The following PCDH15 variants were observed in gnomAD, a reference collection of about 807,000 sequenced individuals.
The protein encoded by PCDH15 is protocadherin related 15.
PCDH15 carries 129 observed loss-of-function variants against 178.5 expected under a neutral mutation model. That is an observed-to-expected ratio of 0.72 (90% CI 0.63 to 0.84). The LOEUF is 0.84. Ranked by LOEUF, PCDH15 falls within the 40% of genes least tolerant of loss-of-function variation. The probability of loss-of-function intolerance (pLI) is 0.00; values close to 1 mark genes in which losing one functional copy is unlikely to be tolerated. For synonymous variants in PCDH15, 800 were observed against 732.0 expected (o/e 1.09, Z -1.50); for missense variants, 2,230 against 2,099.9 (o/e 1.06, Z -1.21).
chr10:54,439,679 A>G (rs990559836), intron 3 of PCDH15, among the ~76,000 whole-genome samples: 1 of 152,026 alleles, frequency 6.6e-6, no homozygotes, highest in Non-Finnish European at 1.5e-5. Flanking sequence ...TTTAAATGCC[A>G]TGTTTTTTAG....
At chr10:54,052,245 T>C (rs1263920674) in intron 18 of PCDH15, among the ~76,000 whole-genome samples, 1 of 152,098 alleles carries the variant, frequency 6.6e-6, no homozygotes, top group Non-Finnish European at 1.5e-5. Flanking sequence ...GAATGGTGGA[T>C]CCACCAACAC....
chr10:54,009,735 T>C (rs935822787), intron 20 of PCDH15, among the ~76,000 whole-genome samples: 1 of 152,082 alleles, frequency 6.6e-6, no homozygotes, highest in Non-Finnish European at 1.5e-5. Context: ...GGAGAAACAG[T>C]GAGTAAGTGA....
chr10:54,731,563 TACACACACACAC>T (rs1159070523), intron 1 of PCDH15, among the ~76,000 whole-genome samples: 27 of 49,886 alleles, frequency 5.4e-4, no homozygotes, highest in Non-Finnish European at 1.2e-3. Flanking sequence ...TATATATATA[TACACACACACAC>T]ACACACACAC....
chr10:54,287,668 CAAGAT>C (rs2059118366), intron 8 of PCDH15, among the ~76,000 whole-genome samples: 1 of 152,016 alleles, frequency 6.6e-6, no homozygotes. Flanking sequence ...GAGGACAAGA[CAAGAT>C]GTTTATATAT....
chr10:55,096,352 C>T (rs973072479), intron 2 of PCDH15, among the ~76,000 whole-genome samples: 4 of 152,108 alleles, frequency 2.6e-5, no homozygotes, highest in Non-Finnish European at 4.4e-5. Context: ...TTGTTACACT[C>T]AATCAGTATA....
intron 2 of PCDH15, among the ~76,000 whole-genome samples, chr10:55,596,822 T>TA: frequency 6.6e-6 from 1 of 152,132 alleles, no homozygotes; most frequent in Non-Finnish European, 1.5e-5. Context: ...TGGAATATGA[T>TA]AAAAATAAAT....
intron 2 of PCDH15, among the ~76,000 whole-genome samples, chr10:55,401,594 CTGTGTGTGTGTGTGTGTG>C (rs3074786): frequency 7.5e-6 from 1 of 133,114 alleles, no homozygotes; most frequent in Non-Finnish European, 1.6e-5. Flanking sequence ...ATTTGCCTTA[CTGTGTGTGTGTGTGTGTG>C]TGTGTGTGTG....
chr10:54,571,851 A>G (rs1162682187), intron 2 of PCDH15, among the ~76,000 whole-genome samples: 1 of 152,202 alleles, frequency 6.6e-6, no homozygotes, highest in African/African-American at 2.4e-5. Flanking sequence ...TTCCAATTCT[A>G]TACATCAAAA....
intron 5 of PCDH15, among the ~76,000 whole-genome samples, chr10:54,361,777 C>G (rs974001501): frequency 6.6e-6 from 1 of 152,160 alleles, no homozygotes; most frequent in Non-Finnish European, 1.5e-5. Flanking sequence ...TTACACTCTA[C>G]ACTTTCAGAT....
chr10:53,815,629 G>GTT (rs1413260927), intron 35 of PCDH15, among the ~76,000 whole-genome samples: 1 of 152,106 alleles, frequency 6.6e-6, no homozygotes, highest in African/African-American at 2.4e-5. Context: ...TAAAATTTTT[G>GTT]TAAGTGGAGC....
chr10:53,803,206 T>C lies in PCDH15; in HGVS notation c.*3373A>G, dbSNP rs1209229577. 2 of 151,888 alleles carry C rather than the reference T, an allele frequency of 1.3e-5. No homozygotes were observed. 9.4% of individuals were successfully genotyped at this position (151,888 alleles called of 1,614,324 possible). ...TCGCTGTGTAATTTGCAGGCACCAATAGGCATCTGCCCTGAGAATAGATTA... is the reference window on the plus strand; with the variant it reads ...TCGCTGTGTAATTTGCAGGCACCAACAGGCATCTGCCCTGAGAATAGATTA... On this transcript the variant is annotated 3_prime_UTR_variant, in exon 38 of 38. Coordinates refer to ENST00000644397, the MANE Select transcript of PCDH15 (RefSeq NM_001384140.1).
intron 14 of PCDH15, among the ~76,000 whole-genome samples, chr10:54,147,016 T>TAAAATGTATATATATAGTGTATATATAAC (rs1491305720): frequency 2.5e-5 from 2 of 79,236 alleles, no homozygotes; most frequent in Admixed American, 1.3e-4. Context: ...GTATATATAA[T>TAAAATGTATATATATAGTGTATATATAAC]GTGTATATAT....
At chr10:54,668,212 C>T (rs1333070442) in intron 1 of PCDH15, among the ~76,000 whole-genome samples, 24 of 151,904 alleles carry the variant, frequency 1.6e-4, no homozygotes, top group Admixed American at 1.6e-3. Flanking sequence ...AAAGCTGACA[C>T]ATTTCTTTTC....
chr10:55,581,946 T>G (rs576939811), intron 2 of PCDH15, among the ~76,000 whole-genome samples: 1 of 152,222 alleles, frequency 6.6e-6, no homozygotes, highest in Admixed American at 6.5e-5. Context: ...ACTCCTGGGT[T>G]CAAACAATTC....
intron 25 of PCDH15, among the ~76,000 whole-genome samples, chr10:53,911,262 T>A (rs1162169387): frequency 6.6e-6 from 1 of 152,186 alleles, no homozygotes; most frequent in African/African-American, 2.4e-5. Flanking sequence ...AAACTGTCTC[T>A]CAGACCACAG....
At chr10:54,478,334 G>T (rs973713371) in intron 3 of PCDH15, among the ~76,000 whole-genome samples, 3 of 152,166 alleles carry the variant, frequency 2.0e-5, no homozygotes, top group Middle Eastern at 3.4e-3. Flanking sequence ...ACTAAAACAG[G>T]TCCTAAGGAA....
chr10:54,297,304 C>T (rs1316227436), intron 8 of PCDH15, among the ~76,000 whole-genome samples: 1 of 152,100 alleles, frequency 6.6e-6, no homozygotes, highest in Non-Finnish European at 1.5e-5. Flanking sequence ...GAAAGAAAGG[C>T]AGCTCATTTT....
intron 1 of PCDH15, among the ~76,000 whole-genome samples, chr10:55,173,309 A>ATGTGTG (rs775260037): frequency 0.096 from 12,789 of 132,888 alleles, 646 homozygotes; most frequent in East Asian, 0.12. Flanking sequence ...TAGAAAGATT[A>ATGTGTG]TGTGTGTGTG....
At chr10:54,797,850 T>A (rs1436262612) in intron 1 of PCDH15, among the ~76,000 whole-genome samples, 1 of 151,976 alleles carries the variant, frequency 6.6e-6, no homozygotes, top group Non-Finnish European at 1.5e-5. Flanking sequence ...GACTGACTTT[T>A]AGGCTGAGAT....
Sources: allele counts gnomAD v4.1 joint callset (sites outside exome capture counted in the v4.1 genomes callset), GRCh38; gene constraint gnomAD v4.1.1; transcripts MANE v1.5; gene names NCBI Gene and HGNC (gene_info 2026-07-23, HGNC 2026-07-21).